Variants in HECTD4 observed in about 807,000 individuals in gnomAD.
HECTD4 encodes probable E3 ubiquitin-protein ligase HECTD4.
Under a neutral mutation model 471.5 loss-of-function variants are expected in HECTD4, and 114 were observed. That is an observed-to-expected ratio of 0.24 (90% confidence interval 0.21 to 0.28). HECTD4 has a LOEUF of 0.28. Among genes scored for constraint, HECTD4 ranks in the 10% least tolerant of loss-of-function variants. HECTD4 has a pLI of 1.00. For missense variants in HECTD4, 3,866 were observed against 5,651.5 expected, an observed-to-expected ratio of 0.68 and a Z score of 10.13; for synonymous variants, 2,012 against 2,256.0, an observed-to-expected ratio of 0.89 and a Z score of 3.07.
At position 112,247,451 on chromosome 12, in the gene HECTD4, A is replaced by C; in HGVS notation, c.4337+11T>G. 1 of 1,402,906 alleles carries C rather than the reference A, an allele frequency of 7.1e-7. No individual in the cohort carries two copies. The highest frequency in any genetic ancestry group is 9.7e-7 in the Non-Finnish European group (1 of 1,028,506). The allele number at this position is 1,402,906 out of a possible 1,614,324, so 86.9% of individuals were successfully genotyped here. ...GTGATAATAGCCTTAATAGTTATTA[A>C]TACGACTAACCTCAGTGATAGGACC... is the stretch of plus-strand genomic sequence containing the variant. On this transcript the variant is annotated intron_variant, in intron 28 of 75. Coordinates refer to ENST00000682272, the MANE Select transcript of HECTD4 (RefSeq NM_001388303.1).
rs2036743884 is a variant in HECTD4 at position 112,374,581 on chromosome 12, T to C, written c.177+7371A>G. Among the ~76,000 whole-genome samples, 3 of 152,234 alleles carry C rather than the reference T, an allele frequency of 2.0e-5. No homozygotes were observed. The South Asian group carries it at 6.2e-4, about 31-fold the overall frequency. ...TCAGTGACTCCTATTACAGTGCTCA[T>C]TAATTGCATGGTAATCAACACTACT... On this transcript the variant is annotated intron_variant, in intron 1 of 75. Coordinates refer to ENST00000682272, the MANE Select transcript of HECTD4 (RefSeq NM_001388303.1).
intron 48 of HECTD4, among the ~76,000 whole-genome samples, chr12:112,214,694 C>A (rs559382005): frequency 6.6e-6 from 1 of 152,240 alleles, no homozygotes; most frequent in South Asian, 2.1e-4. Flanking sequence ...AAACGCTCCC[C>A]CAGCCTACCA....
intron 55 of HECTD4, among the ~76,000 whole-genome samples, chr12:112,199,600 A>G (rs1480042721): frequency 6.6e-6 from 1 of 152,246 alleles, no homozygotes; most frequent in East Asian, 1.9e-4. Flanking sequence ...ATTACAAGAC[A>G]TTTTAAGATG....
chr12:112,216,320 G>A lies in HECTD4; in HGVS notation c.7437C>T (p.Ser2479=), dbSNP rs779572134. The A allele has an allele frequency of 3.5e-5, 55 of 1,555,202 alleles. No individual in the cohort carries two copies. Among genetic ancestry groups the A allele is most frequent in the Non-Finnish European group, 4.2e-5 (48 of 1,148,784 alleles). ...YNGSSLLQWK[S]VRLDVTLSPG... ...GGGAGAGAGTCACGTCTAAGCGAAC[G>A]CTCTTCCACTGTAACAAACTGGAGC... Residue 2479 remains serine (S), a synonymous_variant, in exon 48 of 76, where the codon AGC becomes AGT. Transcript: ENST00000682272.
intron 7 of HECTD4, among the ~76,000 whole-genome samples, chr12:112,299,803 G>C (rs1234953878): frequency 6.6e-6 from 1 of 152,140 alleles, no homozygotes; most frequent in Admixed American, 6.5e-5. Flanking sequence ...TGTAGAGCAG[G>C]TTCCTTCCTC....
At chr12:112,301,663 G>T (rs1197133659) in intron 7 of HECTD4, among the ~76,000 whole-genome samples, 2 of 152,012 alleles carry the variant, frequency 1.3e-5, no homozygotes, top group African/African-American at 4.8e-5. Context: ...GATAATCATA[G>T]TTTTAATTTT....
At chr12:112,272,460 G>T (rs559918021) in intron 11 of HECTD4, among the ~76,000 whole-genome samples, 7 of 152,290 alleles carry the variant, frequency 4.6e-5, no homozygotes, top group Non-Finnish European at 8.8e-5. Context: ...CAAACACCTT[G>T]AGCCAGTAAT....
rs762265223 is a variant in HECTD4, at chr12:112,210,199, C to G, written c.7683G>C (p.Gly2561=). 2.9e-5 allele frequency: 46 copies of G among 1,614,022 alleles called. No homozygotes were observed. The South Asian group carries it at 4.7e-4, about 17-fold the overall frequency. The part of the protein sequence containing the change: ...FGSRPFAYAE[G]QAHRNAADLC... ...GGTCAGCAGCATTGCGGTGGGCCTG[C>G]CCTTCCGCGTAGGCAAACGGCCGGG... The change falls in exon 50 of 76, where the codon GGG becomes GGC. Residue 2561 remains glycine, a synonymous_variant. Transcript: ENST00000682272.
In HECTD4 at chr12:112,204,827, C is replaced by T. The variant is rs567739791; in HGVS notation, c.8132-204G>A. ...CTACTTTTAGGAATGTCTCAAATCT[C>T]TTCCACAGAAATATAAGCACTAAGG... On this transcript the variant is annotated intron_variant, in intron 52 of 75. Transcript: ENST00000682272. 7.6e-4 allele frequency among the ~76,000 whole-genome samples: 115 copies of T among 152,234 alleles called. No individual in the cohort carries two copies. In the Middle Eastern group the frequency reaches 0.037, roughly 50 times the overall value.
In HECTD4 at chr12:112,381,625, C is replaced by T. The variant is rs1203016664; in HGVS notation, c.177+327G>A. 6.6e-6 allele frequency among the ~76,000 whole-genome samples: 1 copy of T among 152,114 alleles called. No homozygotes were observed. Among genetic ancestry groups the T allele is most frequent in the Non-Finnish European group, 1.5e-5 (1 of 68,016 alleles). On this transcript the variant is annotated intron_variant, in intron 1 of 75. Coordinates refer to ENST00000682272, the MANE Select transcript of HECTD4 (RefSeq NM_001388303.1). The surrounding 1 kb of genome is among the most constrained non-coding windows in gnomAD (Gnocchi z 4.1). ...GGCCCGTGGGGGAGGGGAGGGAGGG[C>T]CCGGGTGGTGGCGGTGGCTCCTCTG...
intron 11 of HECTD4, among the ~76,000 whole-genome samples, chr12:112,271,753 CCATTTTTTT>C (rs2034417267): frequency 6.6e-6 from 1 of 151,956 alleles, no homozygotes; most frequent in Non-Finnish European, 1.5e-5. Context: ...TCTGGAATTT[CCATTTTTTT>C]TTGTTGTTGT....
intron 2 of HECTD4, among the ~76,000 whole-genome samples, chr12:112,315,738 A>G (rs556800367): frequency 6.6e-6 from 1 of 152,086 alleles, no homozygotes; most frequent in African/African-American, 2.4e-5. Flanking sequence ...TTTTTAAAAG[A>G]GACAGGGTCT....
At position 112,308,457 on chromosome 12, in the gene HECTD4, AC is replaced by A. The variant is rs373710229; in HGVS notation, c.1164+295del. Among the ~76,000 whole-genome samples, 6,780 of 148,446 alleles carry A rather than the reference AC, an allele frequency of 0.046. 778 individuals carry two copies. The East Asian group carries it at 0.54, about 12-fold the overall frequency. On this transcript the variant is annotated intron_variant, in intron 6 of 75. Transcript: ENST00000682272. ...AAGCAAAAAAAAAAACAAAAACAAA[AC>A]AAAAAAAAAAAACCAGCTAGTATTT... is the stretch of plus-strand genomic sequence containing the variant.
chr12:112,229,768 C>T lies in HECTD4; in HGVS notation c.6449G>A (p.Arg2150His), dbSNP rs200891866. 8.7e-6 allele frequency: 14 copies of T among 1,613,914 alleles called. No individual in the cohort carries two copies. The highest frequency in any genetic ancestry group is 6.6e-5 in the South Asian group (6 of 91,088). The change falls in exon 41 of 76, where the codon CGC (arginine) becomes CAC (histidine). Residue 2150 changes from arginine to histidine, a missense_variant. This residue lies in a region of HECTD4 where 617 missense variants were observed against 915.1 expected (regional missense o/e 0.67). Transcript: ENST00000682272. ...RKLAKLQRIA[R>H]QAVAALCALG... is the part of the protein sequence containing the mutation. ...TGCACACAGTGCGGCAACGGCCTGG[C>T]GTGCAATTCTCTGAAGTTTGGCAAG...
chr12:112,270,667 G>T (rs1235926778), intron 11 of HECTD4, among the ~76,000 whole-genome samples: 1 of 152,182 alleles, frequency 6.6e-6, no homozygotes, highest in Non-Finnish European at 1.5e-5. Flanking sequence ...AACATAAGTA[G>T]CTACCACTTC....
At chr12:112,234,423 T>C (rs1246960415) in intron 37 of HECTD4, among the ~76,000 whole-genome samples, 1 of 152,208 alleles carries the variant, frequency 6.6e-6, no homozygotes, top group African/African-American at 2.4e-5. Flanking sequence ...GATTCAATTA[T>C]GAGGATGACA....
At chr12:112,307,066 A>T (rs1033329631) in intron 6 of HECTD4, among the ~76,000 whole-genome samples, 12 of 150,570 alleles carry the variant, frequency 8.0e-5, no homozygotes, top group African/African-American at 2.7e-4. Flanking sequence ...GGCTAGGTTT[A>T]AAAAAAAAAT....
Position 112,317,528 on chromosome 12 carries a change from C to T in HECTD4, c.695+1697G>A, listed in dbSNP as rs778382409. 6.4e-4 allele frequency among the ~76,000 whole-genome samples: 97 copies of T among 152,314 alleles called. 2 individuals carry two copies. The highest frequency in any genetic ancestry group is 3.4e-3 in the Middle Eastern group (1 of 294). ...ACCAAGGAAAAAATTCTACGGAAGA[C>T]AGACAGAATACTGACACTAATCTGT... is the stretch of plus-strand genomic sequence containing the variant. On this transcript the variant is annotated intron_variant, in intron 2 of 75. Transcript: ENST00000682272.
At chr12:112,208,715 T>C (rs1405782038) in intron 50 of HECTD4, 85 bp from the exon 51 acceptor site, 8 of 1,257,702 alleles carry the variant, frequency 6.4e-6, no homozygotes, top group Non-Finnish European at 8.5e-6. Flanking sequence ...CAAACCAGAT[T>C]ATCTTAATTT....
Sources: gnomAD v4.1 joint callset for allele counts (sites outside exome capture counted in the v4.1 genomes callset) on GRCh38, gnomAD v4.1.1 for gene constraint, gnomAD v4.1.1 regional missense constraint, Gnocchi (gnomAD v3.1) non-coding constraint, MANE v1.5 for transcripts, NCBI Gene and HGNC (gene_info 2026-07-23, HGNC 2026-07-21) for gene names.